The following COL5A1 variants were observed in gnomAD, a reference collection of about 807,000 sequenced individuals.
COL5A1 encodes the protein collagen alpha-1(V) chain.
In COL5A1, 16 loss-of-function variants were observed where a neutral mutation model predicts 263.7. That is an observed-to-expected ratio of 0.06 (90% CI 0.04 to 0.09). The LOEUF (loss-of-function observed/expected upper bound fraction) is 0.09. Among genes scored for constraint, COL5A1 ranks in the 10% least tolerant of loss-of-function variants. The pLI is 1.00. For synonymous variants in COL5A1, 1,012 were observed against 1,004.5 expected (o/e 1.01, Z -0.14); for missense variants, 2,036 against 2,540.5 (o/e 0.80, Z 4.27).
At chr9:134,646,194 G>T (rs1831469598) in intron 1 of COL5A1, among the ~76,000 whole-genome samples, 1 of 152,172 alleles carries the variant, frequency 6.6e-6, no homozygotes, top group Non-Finnish European at 1.5e-5. Flanking sequence ...AATGGGATGG[G>T]ACCCCTCGTT....
chr9:134,683,363 G>A (rs1033440454), intron 1 of COL5A1, among the ~76,000 whole-genome samples: 1 of 152,154 alleles, frequency 6.6e-6, no homozygotes, highest in African/African-American at 2.4e-5. Flanking sequence ...TTCCTCCCTG[G>A]GGAGGAGGGC....
chr9:134,834,002 AG>A (rs1839752217), intron 64 of COL5A1, among the ~76,000 whole-genome samples: 1 of 152,158 alleles, frequency 6.6e-6, no homozygotes. Context: ...CCCAAAGGAC[AG>A]CAGTGGGGGC....
At chr9:134,778,580 C>A (rs994647528) in intron 27 of COL5A1, among the ~76,000 whole-genome samples, 12 of 152,228 alleles carry the variant, frequency 7.9e-5, no homozygotes, top group Admixed American at 7.2e-4. Context: ...CCTGTCCCCC[C>A]AAGGCGCTCC....
chr9:134,828,692 TACC>T (rs1839421642), intron 63 of COL5A1, among the ~76,000 whole-genome samples: 3 of 147,480 alleles, frequency 2.0e-5, no homozygotes, highest in African/African-American at 7.7e-5. Context: ...ACACCACACA[TACC>T]ACATACCACA....
intron 65 of COL5A1, among the ~76,000 whole-genome samples, chr9:134,837,437 A>G (rs1001305774): frequency 1.3e-5 from 2 of 151,988 alleles, no homozygotes; most frequent in African/African-American, 4.8e-5. Flanking sequence ...TGGCTAAGAG[A>G]GGCTTCTGCT....
rs896872116 is a variant in COL5A1 at position 134,700,498 on chromosome 9, G to T, written c.491+376G>T. ...AAGGACACAGGTGTGTTAGGAGTGGGAGTGAGCATGAGAAAAAGCGGGTCG... is the reference window on the plus strand; with the variant it reads ...AAGGACACAGGTGTGTTAGGAGTGGTAGTGAGCATGAGAAAAAGCGGGTCG... On this transcript the variant is annotated intron_variant, in intron 3 of 65. Coordinates refer to ENST00000371817, the MANE Select transcript of COL5A1 (RefSeq NM_000093.5). The surrounding 1 kb of genome is among the most constrained non-coding windows in gnomAD (Gnocchi z 4.0). Among the ~76,000 whole-genome samples the T allele has an allele frequency of 5.3e-5, 8 of 152,216 alleles. No individual in the cohort carries two copies. Among genetic ancestry groups the T allele is most frequent in the Non-Finnish European group, 8.8e-5 (6 of 68,040 alleles).
intron 19 of COL5A1, among the ~76,000 whole-genome samples, chr9:134,762,472 C>T (rs1588520248): frequency 6.6e-6 from 1 of 151,586 alleles, no homozygotes; most frequent in Non-Finnish European, 1.5e-5. Context: ...GGGGCCAGAG[C>T]ACAGGAGGGA....
chr9:134,643,042 AT>A (rs892329561), intron 1 of COL5A1, among the ~76,000 whole-genome samples: 4 of 152,198 alleles, frequency 2.6e-5, no homozygotes, highest in African/African-American at 7.2e-5. Context: ...TTGGGATGAT[AT>A]GCAGATGTGG....
chr9:134,821,910 G>A lies in COL5A1; in HGVS notation c.4555-187G>A, dbSNP rs1323631429. Among the ~76,000 whole-genome samples the A allele has an allele frequency of 6.6e-6, 1 of 152,222 alleles. No individual in the cohort carries two copies. Among genetic ancestry groups the A allele is most frequent in the African/African-American group, 2.4e-5 (1 of 41,454 alleles). On this transcript the variant is annotated intron_variant, in intron 58 of 65. Coordinates refer to ENST00000371817, the MANE Select transcript of COL5A1 (RefSeq NM_000093.5). The surrounding 1 kb of genome is among the most constrained non-coding windows in gnomAD (Gnocchi z 4.2). The stretch of plus-strand genomic sequence containing the variant: ...TGGCAGCCTTGGGGTGGATGCTCAG[G>A]TCGATGGCTCCCCTGACATGCACAG...
At chr9:134,717,605 A>G (rs1834314741) in intron 4 of COL5A1, among the ~76,000 whole-genome samples, 1 of 152,168 alleles carries the variant, frequency 6.6e-6, no homozygotes, top group Non-Finnish European at 1.5e-5. Flanking sequence ...GGGAGGTTGG[A>G]CAACGTGCCC....
chr9:134,715,314 A>C (rs890958515), intron 4 of COL5A1, among the ~76,000 whole-genome samples: 2 of 152,160 alleles, frequency 1.3e-5, no homozygotes, highest in Non-Finnish European at 2.9e-5. Context: ...CTCCAGCCCT[A>C]AGGCGGTTTT....
At chr9:134,811,666 T>A in intron 46 of COL5A1, 67 bp downstream of exon 46, 1 of 1,295,178 alleles carries the variant, frequency 7.7e-7, no homozygotes, top group Non-Finnish European at 1.1e-6. Context: ...TTCATTGTGC[T>A]CTCTCCTCTT....
In COL5A1 at chr9:134,700,190, C is replaced by A. The variant is rs1833620212; in HGVS notation, c.491+68C>A. 1.2e-5 allele frequency: 18 copies of A among 1,461,198 alleles called. No homozygotes were observed. In the South Asian group the frequency reaches 2.0e-4, roughly 16 times the overall value. 90.5% of individuals were successfully genotyped at this position (1,461,198 alleles called of 1,614,324 possible). On this transcript the variant is annotated intron_variant, in intron 3 of 65. Coordinates refer to ENST00000371817, the MANE Select transcript of COL5A1 (RefSeq NM_000093.5). This position sits in a 1 kb window ranked among gnomAD's most constrained non-coding sequence, Gnocchi z 4.0. ...GGATCAGGCCAGCTCATACCACTGA[C>A]CAGATGTGGGGCACAGTAGAGGACG...
In COL5A1 at chr9:134,761,104, A is replaced by C. The variant is rs561622546; in HGVS notation, c.1936-821A>C. ...ACACGTGCACACACCCCACACATGC[A>C]CACAACCCACACATGCACACTCATA... On this transcript the variant is annotated intron_variant, in intron 18 of 65. Transcript: ENST00000371817. Among the ~76,000 whole-genome samples, 323 of 138,282 alleles carry C rather than the reference A, an allele frequency of 2.3e-3. 2 individuals are homozygous for C. The highest frequency in any genetic ancestry group is 9.3e-3 in the African/African-American group (305 of 32,944). 90.7% of individuals were successfully genotyped at this position (138,282 alleles called of 152,430 possible).
chr9:134,826,531 A>T (rs1479186818), intron 63 of COL5A1, among the ~76,000 whole-genome samples: 3 of 149,470 alleles, frequency 2.0e-5, no homozygotes, highest in African/African-American at 7.4e-5. Context: ...CATGTGGATG[A>T]GTGTGTGGAT....
chr9:134,782,500 A>T, intron 28 of COL5A1, 167 bp from the exon 29 acceptor site: 1 of 733,428 alleles, frequency 1.4e-6, no homozygotes, highest in Non-Finnish European at 2.5e-6. Context: ...GCTCATGGGA[A>T]AGCCATTCTC....
intron 11 of COL5A1, among the ~76,000 whole-genome samples, chr9:134,748,184 G>A (rs1293508644): frequency 6.8e-6 from 1 of 146,262 alleles, no homozygotes; most frequent in East Asian, 2.1e-4. Flanking sequence ...ATGCATTCAT[G>A]CATACATTCA....
chr9:134,672,525 T>C (rs1013400908), intron 1 of COL5A1, among the ~76,000 whole-genome samples: 6 of 152,164 alleles, frequency 3.9e-5, no homozygotes, highest in Non-Finnish European at 7.3e-5. Context: ...CTCAATAAAT[T>C]AGGAATAAAA....
At chr9:134,800,470 C>A (rs1838066724) in intron 37 of COL5A1, among the ~76,000 whole-genome samples, 1 of 152,184 alleles carries the variant, frequency 6.6e-6, no homozygotes, top group African/African-American at 2.4e-5. Context: ...CTGGGCTGGG[C>A]ACAGTGGCTC....
Sources: gnomAD v4.1 joint callset for allele counts (sites outside exome capture counted in the v4.1 genomes callset) on GRCh38, gnomAD v4.1.1 for gene constraint, Gnocchi (gnomAD v3.1) non-coding constraint, MANE v1.5 for transcripts, NCBI Gene and HGNC (gene_info 2026-07-23, HGNC 2026-07-21) for gene names.